Variants in DOCK2 observed in about 807,000 individuals in gnomAD.
The protein encoded by DOCK2 is dedicator of cytokinesis protein 2.
Under a neutral mutation model 248.9 loss-of-function variants are expected in DOCK2, and 87 were observed. The observed-to-expected ratio is 0.35, with a 90% CI of 0.29 to 0.42. The LOEUF (loss-of-function observed/expected upper bound fraction) is 0.42. Ranked by LOEUF, DOCK2 falls within the 10% of genes least tolerant of loss-of-function variation. The probability of loss-of-function intolerance (pLI) is 1.00; values close to 1 mark genes in which losing one functional copy is unlikely to be tolerated. For synonymous variants in DOCK2, 805 were observed against 821.6 expected (o/e 0.98, Z 0.35); for missense variants, 1,747 against 2,300.2 (o/e 0.76, Z 4.92).
chr5:169,687,569 G>A (rs1328711326), intron 8 of DOCK2, among the ~76,000 whole-genome samples: 1 of 152,154 alleles, frequency 6.6e-6, no homozygotes, highest in Non-Finnish European at 1.5e-5. Flanking sequence ...AAAAAATCTT[G>A]TTCCTAATTT....
chr5:169,712,314 C>T, intron 17 of DOCK2, 91 bp downstream of exon 17: 4 of 1,109,184 alleles, frequency 3.6e-6, no homozygotes, highest in East Asian at 4.8e-5. Flanking sequence ...CAGCAGGGAC[C>T]CCAGAATCAC....
At chr5:169,945,822 G>A (rs925872341) in intron 27 of DOCK2, among the ~76,000 whole-genome samples, 2 of 152,152 alleles carry the variant, frequency 1.3e-5, no homozygotes, top group African/African-American at 2.4e-5. Flanking sequence ...ATTCGCCCAC[G>A]GCCTCCGTCC....
rs559940563 is a variant in DOCK2, at chr5:169,729,123, A to G, written c.2267+10332A>G. ...GGGTGGGAGAGCAATTTACTGAATA[A>G]ACGTGTAGATTTAGAAACTGCATTT... On this transcript the variant is annotated intron_variant, in intron 22 of 51. Coordinates refer to ENST00000520908, the MANE Select transcript of DOCK2 (RefSeq NM_004946.3). Among the ~76,000 whole-genome samples, 62 of 152,310 alleles carry G rather than the reference A, an allele frequency of 4.1e-4. 1 individual carries two copies. In the South Asian group the frequency reaches 0.013, roughly 31 times the overall value.
At chr5:169,921,602 T>G (rs1356751418) in intron 27 of DOCK2, among the ~76,000 whole-genome samples, 1 of 152,248 alleles carries the variant, frequency 6.6e-6, no homozygotes, top group Non-Finnish European at 1.5e-5. Flanking sequence ...TAAAGATGTC[T>G]GTTTAACTTT....
chr5:169,849,801 G>T (rs1770525555), intron 27 of DOCK2, among the ~76,000 whole-genome samples: 1 of 152,162 alleles, frequency 6.6e-6, no homozygotes, highest in African/African-American at 2.4e-5. Context: ...TCCAGGCACG[G>T]TTCATCTTGG....
intron 27 of DOCK2, among the ~76,000 whole-genome samples, chr5:169,945,306 GTTCTC>G (rs1474199679): frequency 2.6e-5 from 4 of 152,246 alleles, no homozygotes; most frequent in African/African-American, 9.6e-5. Context: ...CCGAGTGGTA[GTTCTC>G]TTCTCTCCTC....
At chr5:169,668,773 G>T (rs1190534346) in intron 2 of DOCK2, among the ~76,000 whole-genome samples, 1 of 152,120 alleles carries the variant, frequency 6.6e-6, no homozygotes, top group East Asian at 1.9e-4. Flanking sequence ...GTTTTGTAAC[G>T]ACTAACTTTT....
chr5:169,924,263 G>A (rs1775324413), intron 27 of DOCK2, among the ~76,000 whole-genome samples: 1 of 152,298 alleles, frequency 6.6e-6, no homozygotes, highest in South Asian at 2.1e-4. Context: ...AGTAAATGAG[G>A]TCAGGCCAAG....
At chr5:169,675,907 A>T (rs765861594) in intron 6 of DOCK2, among the ~76,000 whole-genome samples, 1 of 152,202 alleles carries the variant, frequency 6.6e-6, no homozygotes, top group Non-Finnish European at 1.5e-5. Context: ...CCCCATTGGC[A>T]TCTGGCAAGC....
chr5:169,716,675 TCTC>T (rs1761929367), intron 20 of DOCK2, among the ~76,000 whole-genome samples: 1 of 152,168 alleles, frequency 6.6e-6, no homozygotes, highest in Non-Finnish European at 1.5e-5. Flanking sequence ...TTCACCTTCT[TCTC>T]CCCATTTCCT....
At chr5:169,644,535 G>A (rs1452047413) in intron 1 of DOCK2, among the ~76,000 whole-genome samples, 3 of 152,060 alleles carry the variant, frequency 2.0e-5, no homozygotes, top group African/African-American at 7.2e-5. Context: ...CTGCATCGAG[G>A]CCTTCCCTAG....
chr5:170,003,181 A>G (rs1754899647), intron 30 of DOCK2, among the ~76,000 whole-genome samples: 1 of 152,374 alleles, frequency 6.6e-6, no homozygotes. Context: ...TGTCAAGCCT[A>G]TAGTGGATGC....
intron 25 of DOCK2, among the ~76,000 whole-genome samples, chr5:169,780,902 CTAAA>C (rs1193217819): frequency 1.3e-5 from 2 of 152,018 alleles, no homozygotes; most frequent in Non-Finnish European, 2.9e-5. Context: ...CGCCATACTT[CTAAA>C]TAAAGACCAA....
intron 27 of DOCK2, among the ~76,000 whole-genome samples, chr5:169,880,822 CT>C (rs1332401947): frequency 6.6e-6 from 1 of 152,104 alleles, no homozygotes; most frequent in East Asian, 1.9e-4. Flanking sequence ...CCTTTTGTCA[CT>C]TATAAAAATT....
rs1408896406 is a variant in DOCK2 at position 169,714,394 on chromosome 5, G to T, written c.1878G>T (p.Lys626Asn). 2 of 1,614,072 alleles carry T rather than the reference G, an allele frequency of 1.2e-6. No individual in the cohort carries two copies. The highest frequency in any genetic ancestry group is 1.7e-5 in the Admixed American group (1 of 60,016). ...TGGGTTTGCTGAAGTGGCGTATGAA[G>T]CCTCAACTGCTACAGGAGAATTTAG... Reference protein sequence around the residue: ...GLLGLLKWRMKPQLLQENLEK... With the variant: ...GLLGLLKWRMNPQLLQENLEK... The change falls in exon 19 of 52, where the codon AAG (lysine) becomes AAT (asparagine). Residue 626 changes from lysine (K) to asparagine (N), a missense_variant. Lys to Asn is a moderately conservative substitution (Grantham distance 94). Around this residue, in one of 4 missense-constraint regions of DOCK2, gnomAD observed 858 missense variants for 1,183.5 expected, o/e 0.72. Coordinates refer to ENST00000520908, the MANE Select transcript of DOCK2 (RefSeq NM_004946.3).
intron 49 of DOCK2, chr5:170,079,365 C>G (rs1289224707): frequency 3.3e-5 from 18 of 550,504 alleles, no homozygotes; most frequent in Non-Finnish European, 5.4e-5. Context: ...GGAGTTGAGC[C>G]CTGACCTTTG....
At chr5:169,744,625 A>T (rs1006648582) in intron 22 of DOCK2, among the ~76,000 whole-genome samples, 14 of 152,210 alleles carry the variant, frequency 9.2e-5, no homozygotes, top group Non-Finnish European at 2.1e-4. Context: ...AAAAAGTTAA[A>T]TAATGAGACA....
At chr5:169,912,910 T>C (rs187326862) in intron 27 of DOCK2, among the ~76,000 whole-genome samples, 1 of 152,284 alleles carries the variant, frequency 6.6e-6, no homozygotes, top group Non-Finnish European at 1.5e-5. Flanking sequence ...AAATTCCTTG[T>C]CTAGAAGTAA....
intron 28 of DOCK2, 96 bp downstream of exon 28, chr5:169,983,262 A>T: frequency 7.7e-7 from 1 of 1,295,636 alleles, no homozygotes; most frequent in South Asian, 1.2e-5. Context: ...CTATCACATA[A>T]TCTAGATATG....
Sources: gnomAD v4.1 joint callset for allele counts (sites outside exome capture counted in the v4.1 genomes callset) on GRCh38, gnomAD v4.1.1 for gene constraint, gnomAD v4.1.1 regional missense constraint, MANE v1.5 for transcripts, NCBI Gene and HGNC (gene_info 2026-07-23, HGNC 2026-07-21) for gene names.